PKD2L1: variants seen among roughly 807,000 people sequenced by gnomAD.
The protein encoded by PKD2L1 is polycystin 2 like 1, transient receptor potential cation channel, also known as polycystin-2-like protein 1.
PKD2L1 carries 77 observed loss-of-function variants against 93.0 expected under a neutral mutation model. The ratio of observed to expected loss-of-function variants is 0.83; its 90% CI spans 0.69 to 1.00. The LOEUF (loss-of-function observed/expected upper bound fraction) is 1.00, where lower values mean the gene tolerates loss of function less well. PKD2L1 is among the 50% of genes least tolerant of loss of function. The probability of loss-of-function intolerance (pLI) is 0.00; values close to 1 mark genes in which losing one functional copy is unlikely to be tolerated. For missense variants in PKD2L1, 977 were observed against 990.9 expected, an observed-to-expected ratio of 0.99 and a Z score of 0.19; for synonymous variants, 390 against 388.0, an observed-to-expected ratio of 1.01 and a Z score of -0.06.
At chr10:100,289,093 A>G (rs1259057099) in intron 14 of PKD2L1, 37 bp from the exon 15 acceptor site, 1 of 1,478,038 alleles carries the variant, frequency 6.8e-7, no homozygotes, top group South Asian at 1.1e-5. Context: ...ATTTGAAGAA[A>G]TAGTTTGTGT....
chr10:100,296,022 G>T, intron 7 of PKD2L1, 100 bp downstream of exon 7: 1 of 1,068,558 alleles, frequency 9.4e-7, no homozygotes, highest in Non-Finnish European at 1.3e-6. Flanking sequence ...GGGCAAGAGC[G>T]AGACTCCATC....
intron 1 of PKD2L1, 85 bp from the exon 2 acceptor site, chr10:100,329,409 C>T: frequency 6.4e-7 from 1 of 1,569,242 alleles, no homozygotes; most frequent in Non-Finnish European, 8.7e-7. Context: ...TGGACTTTAG[C>T]CCCTTTCCAC....
chr10:100,288,479 C>T lies in PKD2L1; in HGVS notation c.2336-1G>A, dbSNP rs371917636. ...TCCTCTTCTCTTTTATAGGGAACCT[C>T]TGTGGGGGAAAACGAGAAACCCATG... is the stretch of plus-strand genomic sequence containing the variant. On this transcript the variant is annotated splice_acceptor_variant, in intron 15 of 15. Coordinates refer to ENST00000318222, the MANE Select transcript of PKD2L1 (RefSeq NM_016112.3). LOFTEE classifies it high-confidence loss of function. 1.3e-5 allele frequency: 21 copies of T among 1,598,444 alleles called. No individual in the cohort carries two copies. The highest frequency in any genetic ancestry group is 2.2e-5 in the East Asian group (1 of 44,796).
rs7904983 is a variant in PKD2L1, at chr10:100,296,259, G to C, written c.1219C>G (p.Arg407Gly). Reference sequence around the variant, plus strand: ...ATGAGCCGATTCACCTCGAGGGTTCGGAATATGTGGAAGCCCACAGCCACA... The same window carrying C: ...ATGAGCCGATTCACCTCGAGGGTTCCGAATATGTGGAAGCCCACAGCCACA... ...SIVAVGFHIF[R>G]TLEVNRLMGK... The change falls in exon 7 of 16, where the codon CGA (arginine) becomes GGA (glycine). Residue 407 changes from arginine to glycine, a missense_variant. Coordinates refer to ENST00000318222, the MANE Select transcript of PKD2L1 (RefSeq NM_016112.3). The C allele has an allele frequency of 6.2e-7, 1 of 1,604,848 alleles. No homozygotes were observed. Among genetic ancestry groups the C allele is most frequent in the African/African-American group, 1.3e-5 (1 of 74,308 alleles).
Position 100,298,712 on chromosome 10 carries a change from A to G in PKD2L1, c.581T>C (p.Leu194Pro), listed in dbSNP as rs1390338627. 1.1e-5 allele frequency: 18 copies of G among 1,613,976 alleles called. No individual in the cohort carries two copies. The highest frequency in any genetic ancestry group is 1.5e-5 in the Non-Finnish European group (18 of 1,180,020). Reference sequence around the variant, plus strand: ...CTGCCGCAGCCTCGGAACCCCCAGCAGCATGTTCTCATAGTAGATGAAGGA... The same window carrying G: ...CTGCCGCAGCCTCGGAACCCCCAGCGGCATGTTCTCATAGTAGATGAAGGA... Reference protein sequence around the residue: ...SHSFIYYENMLLGVPRLRQLK... With the variant: ...SHSFIYYENMPLGVPRLRQLK... Residue 194 changes from leucine to proline, a missense_variant, in exon 4 of 16, where the codon CTG becomes CCG. Physicochemically the swap from Leu to Pro is moderately conservative, Grantham distance 98. Coordinates refer to ENST00000318222, the MANE Select transcript of PKD2L1 (RefSeq NM_016112.3).
chr10:100,294,497 A>G, intron 9 of PKD2L1, 38 bp downstream of exon 9: 1 of 1,612,318 alleles, frequency 6.2e-7, no homozygotes, highest in East Asian at 2.2e-5. Flanking sequence ...TCCACCCTGC[A>G]GGCTCTCTAT....
At chr10:100,291,485 T>A in intron 11 of PKD2L1, 58 bp from the exon 12 acceptor site, 1 of 1,583,792 alleles carries the variant, frequency 6.3e-7, no homozygotes. Context: ...CTCTCAGTTA[T>A]GGACTTCCTC....
chr10:100,324,979 A>G (rs1426921737), intron 2 of PKD2L1, among the ~76,000 whole-genome samples: 2 of 152,210 alleles, frequency 1.3e-5, no homozygotes, highest in Non-Finnish European at 2.9e-5. Context: ...GCCAGCTTTC[A>G]GGCTTATAAC....
chr10:100,293,217 G>A, intron 10 of PKD2L1, 64 bp downstream of exon 10: 1 of 1,519,794 alleles, frequency 6.6e-7, no homozygotes, highest in Non-Finnish European at 9.1e-7. Flanking sequence ...GAACAGACCA[G>A]GACACAGAGC....
At chr10:100,291,803 C>A (rs147443451) in intron 11 of PKD2L1, among the ~76,000 whole-genome samples, 1 of 152,190 alleles carries the variant, frequency 6.6e-6, no homozygotes. Flanking sequence ...TCTTGAAATC[C>A]CTTCTGGCAC....
Position 100,297,404 on chromosome 10 carries a change from T to C in PKD2L1, c.934A>G (p.Ile312Val). Residue 312 changes from isoleucine to valine, a missense_variant, in exon 5 of 16, where the codon ATC (isoleucine) becomes GTC (valine). By Grantham distance (29) the Ile-to-Val change is conservative (BLOSUM62 3). Coordinates refer to ENST00000318222, the MANE Select transcript of PKD2L1 (RefSeq NM_016112.3). ...FIDFSVYNAN[I>V]NLFCVLRLVV... ...CACCTCAGGACACAGAAAAGATTGA[T>C]ATTGGCATTGTAGACTGAGAAGTCG... is the stretch of plus-strand genomic sequence containing the variant. 1.9e-6 allele frequency: 3 copies of C among 1,613,818 alleles called. No homozygotes were observed. Among genetic ancestry groups the C allele is most frequent in the Non-Finnish European group, 2.5e-6 (3 of 1,179,788 alleles).
chr10:100,288,469 T>C lies in PKD2L1; in HGVS notation c.2345A>G (p.Tyr782Cys). 6.2e-7 allele frequency: 1 copy of C among 1,606,628 alleles called. No individual in the cohort carries two copies. Among genetic ancestry groups the C allele is most frequent in the Non-Finnish European group, 8.5e-7 (1 of 1,173,156 alleles). Residue 782 changes from tyrosine to cysteine, a missense_variant, in exon 16 of 16, where the codon TAT becomes TGT. Physicochemically the swap from Tyr to Cys is radical, Grantham distance 194. Coordinates refer to ENST00000318222, the MANE Select transcript of PKD2L1 (RefSeq NM_016112.3). ...CTCTAAGGCTTCCTCTTCTCTTTTA[T>C]AGGGAACCTCTGTGGGGGAAAACGA... ...VQGGQESEVPYKREEEALEER... is the reference protein window; with the variant it reads ...VQGGQESEVPCKREEEALEER...
At chr10:100,322,688 G>A (rs1564895293) in intron 2 of PKD2L1, among the ~76,000 whole-genome samples, 1 of 152,174 alleles carries the variant, frequency 6.6e-6, no homozygotes, top group Non-Finnish European at 1.5e-5. Context: ...AAGAATAGTA[G>A]TTAGCTAGTA....
At position 100,296,159 on chromosome 10, in the gene PKD2L1, T is replaced by C. The variant is rs754566484; in HGVS notation, c.1319A>G (p.Asn440Ser). 5.6e-6 allele frequency: 9 copies of C among 1,611,622 alleles called. No individual in the cohort carries two copies. Among genetic ancestry groups the C allele is most frequent in the African/African-American group, 1.3e-5 (1 of 74,842 alleles). The change falls in exon 7 of 16, where the codon AAC (asparagine) becomes AGC (serine). Residue 440 changes from asparagine (N) to serine (S), a missense_variant. By Grantham distance (46) the Asn-to-Ser change is conservative. Transcript: ENST00000318222. The part of the protein sequence containing the change: ...FLAFWQTQYN[N>S]MNAVNLFFAW... Reference sequence around the variant, plus strand: ...GAAGAAGAGGTTGACAGCATTCATGTTGTTGTACTGTGTCTGCCAGAAGGC... The same window carrying C: ...GAAGAAGAGGTTGACAGCATTCATGCTGTTGTACTGTGTCTGCCAGAAGGC...
At position 100,321,916 on chromosome 10, in the gene PKD2L1, G is replaced by C. The variant is rs1022306116; in HGVS notation, c.349+7295C>G. On this transcript the variant is annotated intron_variant, in intron 2 of 15. Transcript: ENST00000318222. ...GGAGGGAAGGAAGCAAGGAAGGAAG[G>C]AAGGAAGGAAGGAAGGAAGGAAGGA... Among the ~76,000 whole-genome samples the C allele has an allele frequency of 1.1e-4, 17 of 147,886 alleles. 2 individuals carry two copies. Among genetic ancestry groups the C allele is most frequent in the African/African-American group, 3.5e-4 (14 of 39,612 alleles).
In PKD2L1 at chr10:100,295,051, T is replaced by C. The variant is rs1335917198; in HGVS notation, c.1429A>G (p.Ile477Val). 3 of 1,613,984 alleles carry C rather than the reference T, an allele frequency of 1.9e-6. No homozygotes were observed. Among genetic ancestry groups the C allele is most frequent in the Non-Finnish European group, 2.5e-6 (3 of 1,179,958 alleles). ...AAGAACATGACGGCGAAGCCCAGGA[T>C]GTCCTTGGCACAGCGGGCCAGCGTG... Reference protein sequence around the residue: ...SSTLARCAKDILGFAVMFFIV... With the variant: ...SSTLARCAKDVLGFAVMFFIV... Residue 477 changes from isoleucine (I) to valine (V), a missense_variant, in exon 8 of 16, where the codon ATC becomes GTC. Ile to Val is a conservative substitution (Grantham distance 29). Coordinates refer to ENST00000318222, the MANE Select transcript of PKD2L1 (RefSeq NM_016112.3).
chr10:100,321,754 AGAAG>A (rs1564894525), intron 2 of PKD2L1, among the ~76,000 whole-genome samples: 100 of 3,620 alleles, frequency 0.028, 30 homozygotes, highest in South Asian at 0.1. Flanking sequence ...AAAGAAAGAA[AGAAG>A]GGAGGGAGGG....
At chr10:100,297,896 C>T (rs970532928) in intron 4 of PKD2L1, among the ~76,000 whole-genome samples, 3 of 152,000 alleles carry the variant, frequency 2.0e-5, no homozygotes, top group Admixed American at 6.6e-5. Flanking sequence ...CTATAAATGA[C>T]AGAACTGAAA....
chr10:100,314,614 A>G (rs1849021727), intron 2 of PKD2L1, among the ~76,000 whole-genome samples: 1 of 152,136 alleles, frequency 6.6e-6, no homozygotes, highest in South Asian at 2.1e-4. Context: ...CCTATACTAC[A>G]TTTATCACAA....
Sources: gnomAD v4.1 joint callset for allele counts (sites outside exome capture counted in the v4.1 genomes callset) on GRCh38, gnomAD v4.1.1 for gene constraint, MANE v1.5 for transcripts, NCBI Gene and HGNC (gene_info 2026-07-23, HGNC 2026-07-21) for gene names.